The following TACC2 variants were observed in gnomAD, a reference collection of about 807,000 sequenced individuals.
TACC2 encodes transforming acidic coiled-coil-containing protein 2.
A neutral mutation model predicts 227.3 loss-of-function variants in TACC2; 137 were observed. That is an observed-to-expected ratio of 0.60 (90% CI 0.52 to 0.69). TACC2 has a LOEUF of 0.69. TACC2 is among the 30% of genes least tolerant of loss of function. The probability of loss-of-function intolerance (pLI) is 0.00; values close to 1 mark genes in which losing one functional copy is unlikely to be tolerated. For missense variants in TACC2, 3,470 were observed against 3,694.4 expected (o/e 0.94, Z 1.57); for synonymous variants, 1,523 against 1,487.5 (o/e 1.02, Z -0.55).
chr10:122,130,773 C>T (rs148524048), intron 5 of TACC2, among the ~76,000 whole-genome samples: 1 of 152,304 alleles, frequency 6.6e-6, no homozygotes, highest in African/African-American at 2.4e-5. Flanking sequence ...GTATCCCCCT[C>T]ATAAAGGTCG....
chr10:122,226,170 C>T (rs991086164), intron 12 of TACC2, among the ~76,000 whole-genome samples, 196 bp from the exon 13 acceptor site: 6 of 152,162 alleles, frequency 3.9e-5, no homozygotes, highest in Non-Finnish European at 7.3e-5. Flanking sequence ...TTCTCTGCAT[C>T]CTCCTTCCCT....
chr10:122,151,988 C>T (rs1408316472), intron 7 of TACC2, among the ~76,000 whole-genome samples: 4 of 152,166 alleles, frequency 2.6e-5, no homozygotes, highest in East Asian at 3.9e-4. Context: ...GGAGAAGTTG[C>T]CCAGGGCCTG....
Position 122,086,440 on chromosome 10 carries a change from C to G in TACC2, c.3940C>G (p.Pro1314Ala), listed in dbSNP as rs746220751. Reference protein sequence around the residue: ...IPAVQASSGSPKARTTEGPVD... With the variant: ...IPAVQASSGSAKARTTEGPVD... ...TGCAGTGCAAGCCAGCAGTGGTAGTCCCAAAGCCAGAACCACTGAGGGACC... is the reference window on the plus strand; with the variant it reads ...TGCAGTGCAAGCCAGCAGTGGTAGTGCCAAAGCCAGAACCACTGAGGGACC... The change falls in exon 4 of 23, where the codon CCC becomes GCC. Residue 1314 changes from proline (P) to alanine (A), a missense_variant. By Grantham distance (27) the Pro-to-Ala change is conservative. Around this residue, in one of 10 missense-constraint regions of TACC2, gnomAD observed 1,924 missense variants for 1,978.3 expected, o/e 0.97. Coordinates refer to ENST00000369005, the MANE Select transcript of TACC2 (RefSeq NM_206862.4). 6.2e-7 allele frequency: 1 copy of G among 1,613,778 alleles called. No individual in the cohort carries two copies. The highest frequency in any genetic ancestry group is 1.7e-5 in the Admixed American group (1 of 60,032).
intron 11 of TACC2, among the ~76,000 whole-genome samples, chr10:122,221,187 C>T (rs750764553): frequency 6.6e-6 from 1 of 152,244 alleles, no homozygotes; most frequent in Non-Finnish European, 1.5e-5. Context: ...CACTGGTCAT[C>T]TTCCACGGAT....
intron 7 of TACC2, among the ~76,000 whole-genome samples, chr10:122,189,634 G>A (rs1351162513): frequency 6.6e-6 from 1 of 152,226 alleles, no homozygotes; most frequent in African/African-American, 2.4e-5. Context: ...GAGCTGCAAA[G>A]TGGAATTCTA....
intron 3 of TACC2, among the ~76,000 whole-genome samples, chr10:122,077,133 A>C (rs78485009): frequency 5.9e-5 from 9 of 151,614 alleles, no homozygotes. Context: ...AAAAAAAAAA[A>C]AGAATGTTCA....
chr10:122,098,205 T>C (rs2081698963), intron 5 of TACC2, among the ~76,000 whole-genome samples: 1 of 152,188 alleles, frequency 6.6e-6, no homozygotes. Context: ...TCCTAGGTTG[T>C]CTTTCTAGAA....
chr10:122,083,757 T>C lies in TACC2; in HGVS notation c.1257T>C (p.Ala419=). Residue 419 remains alanine (A), a synonymous_variant, in exon 4 of 23, where the codon GCT becomes GCC. Coordinates refer to ENST00000369005, the MANE Select transcript of TACC2 (RefSeq NM_206862.4). ...LLTPTEEAHP[A]SSLASFPAAQ... is the part of the protein sequence containing the mutation. ...CTCCGACTGAGGAAGCACATCCAGC[T>C]TCAAGCCTCGCTTCATTCCCAGCTG... 2 of 1,614,054 alleles carry C rather than the reference T, an allele frequency of 1.2e-6. No individual in the cohort carries two copies. Among genetic ancestry groups the C allele is most frequent in the South Asian group, 2.2e-5 (2 of 91,082 alleles).
intron 1 of TACC2, among the ~76,000 whole-genome samples, chr10:122,013,743 G>C (rs575880118): frequency 2.6e-5 from 4 of 152,322 alleles, no homozygotes; most frequent in South Asian, 2.1e-4. Flanking sequence ...ATCTGAGCTT[G>C]CTGGTCTGGT....
Position 122,083,061 on chromosome 10 carries a change from C to T in TACC2, c.561C>T (p.Ser187=). ...CGAAGGAAGAAGGACAGAAGTCCTC[C>T]TTCTCCTTCTCCAGTGGCATCGACC... The part of the protein sequence containing the change: ...RQPKEEGQKS[S]FSFSSGIDQS... Residue 187 remains serine, a synonymous_variant, in exon 4 of 23, where the codon TCC becomes TCT. Transcript: ENST00000369005. 1 of 1,612,654 alleles carries T rather than the reference C, an allele frequency of 6.2e-7. No individual in the cohort carries two copies. The highest frequency in any genetic ancestry group is 8.5e-7 in the Non-Finnish European group (1 of 1,179,952).
At chr10:122,189,395 A>G (rs770857249) in intron 7 of TACC2, among the ~76,000 whole-genome samples, 27 of 152,144 alleles carry the variant, frequency 1.8e-4, no homozygotes, top group Non-Finnish European at 3.5e-4. Context: ...CTCTTCAGGG[A>G]TGGCAGCTGC....
chr10:122,096,235 A>C (rs1376639774), intron 5 of TACC2, among the ~76,000 whole-genome samples: 2 of 152,116 alleles, frequency 1.3e-5, no homozygotes, highest in East Asian at 3.9e-4. Flanking sequence ...CTCCCATTGC[A>C]CCTGGGGGCT....
chr10:122,021,249 G>A (rs1435809448), intron 1 of TACC2, among the ~76,000 whole-genome samples: 1 of 149,822 alleles, frequency 6.7e-6, no homozygotes. Context: ...AGGCGGGGGG[G>A]AAGAAAGATC....
At chr10:122,221,487 C>T (rs1433619992) in intron 11 of TACC2, among the ~76,000 whole-genome samples, 1 of 152,166 alleles carries the variant, frequency 6.6e-6, no homozygotes, top group Non-Finnish European at 1.5e-5. Context: ...CCCTCCTTCC[C>T]ACTCTGACAG....
At chr10:122,103,720 C>T (rs564569414) in intron 5 of TACC2, among the ~76,000 whole-genome samples, 6 of 152,150 alleles carry the variant, frequency 3.9e-5, no homozygotes, top group East Asian at 1.9e-4. Context: ...AGAAGAAGAG[C>T]GTCATGGGGC....
intron 2 of TACC2, among the ~76,000 whole-genome samples, chr10:122,029,564 C>T (rs949796995): frequency 2.9e-4 from 44 of 152,126 alleles, no homozygotes; most frequent in African/African-American, 1.1e-3. Context: ...GTAAAGAAAT[C>T]TTACATTTTA....
intron 1 of TACC2, among the ~76,000 whole-genome samples, chr10:122,018,511 T>TA (rs1215415183): frequency 5.9e-5 from 9 of 151,412 alleles, no homozygotes; most frequent in East Asian, 1.9e-4. Flanking sequence ...TTCATCACCC[T>TA]AAAAAAAAAT....
At chr10:122,175,257 G>C (rs11200451) in intron 7 of TACC2, among the ~76,000 whole-genome samples, 1 of 152,154 alleles carries the variant, frequency 6.6e-6, no homozygotes, top group Non-Finnish European at 1.5e-5. Context: ...ACCTGGCCTG[G>C]CTTTGTATTT....
In TACC2 at chr10:122,141,146, C is replaced by T. The variant is rs1453610961; in HGVS notation, c.5700-2426C>T. On this transcript the variant is annotated intron_variant, in intron 6 of 22. Transcript: ENST00000369005. This position sits in a 1 kb window ranked among gnomAD's most constrained non-coding sequence, Gnocchi z 4.3. ...CCAGGGCCTGGCGGGCTGATGGTGC[C>T]ACTACCTTGCTGGGAAAATTGGGGG... Among the ~76,000 whole-genome samples, 2 of 152,060 alleles carry T rather than the reference C, an allele frequency of 1.3e-5. No individual in the cohort carries two copies. The highest frequency in any genetic ancestry group is 4.8e-5 in the African/African-American group (2 of 41,388).
Sources: allele counts gnomAD v4.1 joint callset (sites outside exome capture counted in the v4.1 genomes callset), GRCh38; gene constraint gnomAD v4.1.1; regional missense constraint gnomAD v4.1.1; non-coding constraint Gnocchi (gnomAD v3.1); transcripts MANE v1.5; gene names NCBI Gene and HGNC (gene_info 2026-07-23, HGNC 2026-07-21).